The following RBFOX1 variants were observed in gnomAD, a reference collection of about 807,000 sequenced individuals.
RBFOX1 encodes RNA binding protein fox-1 homolog 1.
RBFOX1 carries 8 observed loss-of-function variants against 57.7 expected under a neutral mutation model. The observed-to-expected ratio is 0.14, with a 90% confidence interval of 0.08 to 0.25. The LOEUF is 0.25. Ranked by LOEUF, RBFOX1 falls within the 10% of genes least tolerant of loss-of-function variation. The pLI is 1.00. For synonymous variants in RBFOX1, 326 were observed against 222.4 expected, an observed-to-expected ratio of 1.47 and a Z score of -4.15; for missense variants, 611 against 548.5, an observed-to-expected ratio of 1.11 and a Z score of -1.14.
At chr16:5,905,679 C>G (rs753653531) in intron 4 of RBFOX1, among the ~76,000 whole-genome samples, 1 of 152,012 alleles carries the variant, frequency 6.6e-6, no homozygotes, top group Non-Finnish European at 1.5e-5. Context: ...AGAGGGAGAC[C>G]CTGTCCAACG....
chr16:6,316,672 T>C (rs1435577997), intron 1 of RBFOX1, among the ~76,000 whole-genome samples: 1 of 152,154 alleles, frequency 6.6e-6, no homozygotes, highest in African/African-American at 2.4e-5. Context: ...AAGCTTGGTG[T>C]TGACTTGCCC....
At chr16:5,959,016 C>A (rs890820076) in intron 4 of RBFOX1, among the ~76,000 whole-genome samples, 1 of 152,144 alleles carries the variant, frequency 6.6e-6, no homozygotes, top group African/African-American at 2.4e-5. Flanking sequence ...ATGTGAACAT[C>A]TTTGGAGGAA....
chr16:7,667,290 C>T (rs1465640366), intron 13 of RBFOX1, among the ~76,000 whole-genome samples: 1 of 152,134 alleles, frequency 6.6e-6, no homozygotes, highest in Non-Finnish European at 1.5e-5. Context: ...GTGCCACTGC[C>T]CAGCTCAGCA....
intron 2 of RBFOX1, among the ~76,000 whole-genome samples, chr16:5,588,076 G>T (rs1351547196): frequency 1.3e-5 from 2 of 152,132 alleles, no homozygotes; most frequent in Non-Finnish European, 1.5e-5. Context: ...TGAACCTTGG[G>T]AACATGATGC....
chr16:6,577,503 A>C (rs1469875902), intron 2 of RBFOX1: 3 of 152,200 alleles, frequency 2.0e-5, no homozygotes, highest in Non-Finnish European at 4.4e-5. Flanking sequence ...GTGGTGACAA[A>C]TAGCTCTGAA....
chr16:6,288,703 C>T (rs1380648937), intron 1 of RBFOX1, among the ~76,000 whole-genome samples: 4 of 152,112 alleles, frequency 2.6e-5, no homozygotes, highest in Non-Finnish European at 4.4e-5. Context: ...CTGTATGTTG[C>T]TTACTGTCTC....
At chr16:5,629,598 T>G (rs1353961662) in intron 3 of RBFOX1, among the ~76,000 whole-genome samples, 1 of 152,216 alleles carries the variant, frequency 6.6e-6, no homozygotes, top group Non-Finnish European at 1.5e-5. Flanking sequence ...ACCAATGCCT[T>G]CTGGTTTCCA....
At position 7,284,198 on chromosome 16, in the gene RBFOX1, T is replaced by A. The variant is rs745983395; in HGVS notation, c.27+232100T>A. On this transcript the variant is annotated intron_variant, in intron 4 of 15. Coordinates refer to ENST00000550418, the MANE Select transcript of RBFOX1 (RefSeq NM_018723.4). The stretch of plus-strand genomic sequence containing the variant: ...CTAGTTGAAGGGCGGTTGTGTTGTT[T>A]CCAGTTTTTGCTGATTATGAAACAG... Among the ~76,000 whole-genome samples, 4 of 152,238 alleles carry A rather than the reference T, an allele frequency of 2.6e-5. No individual in the cohort carries two copies. In the South Asian group the frequency reaches 6.2e-4, roughly 24 times the overall value.
At chr16:5,472,516 C>T (rs2069173309) in intron 2 of RBFOX1, among the ~76,000 whole-genome samples, 1 of 152,148 alleles carries the variant, frequency 6.6e-6, no homozygotes, top group South Asian at 2.1e-4. Flanking sequence ...GGAGTATTTG[C>T]TCTTTTTAAT....
At chr16:5,737,850 A>G (rs1351527668) in intron 3 of RBFOX1, among the ~76,000 whole-genome samples, 1 of 151,972 alleles carries the variant, frequency 6.6e-6, no homozygotes, top group African/African-American at 2.4e-5. Context: ...TTATTCTTTT[A>G]TTTTTATTTA....
chr16:6,038,521 T>C (rs1208816910), intron 1 of RBFOX1: 1 of 124,096 alleles, frequency 8.1e-6, no homozygotes, highest in East Asian at 2.5e-4. Context: ...TCCATATATA[T>C]ATCCGTGGAG....
chr16:7,364,129 C>A (rs946640138), intron 4 of RBFOX1, among the ~76,000 whole-genome samples: 1 of 152,182 alleles, frequency 6.6e-6, no homozygotes, highest in Non-Finnish European at 1.5e-5. Flanking sequence ...CTCTCCCTGT[C>A]TGTTGGTAAT....
At chr16:6,567,889 C>T (rs1164620771) in intron 2 of RBFOX1, among the ~76,000 whole-genome samples, 1 of 152,098 alleles carries the variant, frequency 6.6e-6, no homozygotes, top group Non-Finnish European at 1.5e-5. Flanking sequence ...GGTGAGATTA[C>T]AGTTTGCTGG....
At chr16:5,625,466 C>T (rs907051847) in intron 3 of RBFOX1, among the ~76,000 whole-genome samples, 14 of 152,150 alleles carry the variant, frequency 9.2e-5, no homozygotes, top group African/African-American at 1.7e-4. Flanking sequence ...TGTGCCTGAC[C>T]GCTGCACCGT....
chr16:5,747,125 G>T (rs2053014889), intron 3 of RBFOX1, among the ~76,000 whole-genome samples: 1 of 152,260 alleles, frequency 6.6e-6, no homozygotes, highest in Middle Eastern at 3.4e-3. Flanking sequence ...GGCCTTTTCT[G>T]CATCTATTGA....
chr16:6,409,449 A>C (rs2093388204), intron 2 of RBFOX1, among the ~76,000 whole-genome samples: 1 of 152,140 alleles, frequency 6.6e-6, no homozygotes, highest in Non-Finnish European at 1.5e-5. Context: ...TTTACCAAAC[A>C]CTTTGAAACT....
intron 3 of RBFOX1, among the ~76,000 whole-genome samples, chr16:6,709,850 C>G (rs991682896): frequency 6.6e-6 from 1 of 152,074 alleles, no homozygotes; most frequent in Non-Finnish European, 1.5e-5. Context: ...GGTACACAAC[C>G]GGAAGGTATG....
intron 1 of RBFOX1, among the ~76,000 whole-genome samples, chr16:5,331,334 C>T (rs985725716): frequency 6.6e-6 from 1 of 152,200 alleles, no homozygotes; most frequent in Admixed American, 6.5e-5. Flanking sequence ...TGTAACAAAT[C>T]ACCTCAAAAC....
chr16:6,594,233 G>A lies in RBFOX1; in HGVS notation c.-63-60370G>A, dbSNP rs923715350. 4.6e-5 allele frequency among the ~76,000 whole-genome samples: 7 copies of A among 152,168 alleles called. No homozygotes were observed. In the East Asian group the frequency reaches 9.6e-4, roughly 21 times the overall value. On this transcript the variant is annotated intron_variant, in intron 2 of 15. Coordinates refer to ENST00000550418, the MANE Select transcript of RBFOX1 (RefSeq NM_018723.4). ...TTCCAGCAAATAATGCTGAATGTTG[G>A]TGACTGCTAAATGAAGAAGGAAACA...
Sources: allele counts gnomAD v4.1 joint callset (sites outside exome capture counted in the v4.1 genomes callset), GRCh38; gene constraint gnomAD v4.1.1; transcripts MANE v1.5; gene names NCBI Gene and HGNC (gene_info 2026-07-23, HGNC 2026-07-21).